Variants in ITFG1 observed in about 807,000 individuals in gnomAD.
The protein encoded by ITFG1 is T-cell immunomodulatory protein.
ITFG1 carries 34 observed loss-of-function variants against 81.8 expected under a neutral mutation model. The observed-to-expected ratio is 0.42, with a 90% confidence interval of 0.32 to 0.55. The LOEUF is 0.55. Ranked by LOEUF, ITFG1 falls within the 20% of genes least tolerant of loss-of-function variation. The probability of loss-of-function intolerance (pLI) is 0.17; values close to 1 mark genes in which losing one functional copy is unlikely to be tolerated. For synonymous variants in ITFG1, 285 were observed against 270.6 expected (o/e 1.05, Z -0.52); for missense variants, 672 against 755.4 (o/e 0.89, Z 1.29).
At chr16:47,163,948 C>CAT (rs1485712156) in intron 14 of ITFG1, among the ~76,000 whole-genome samples, 6 of 148,690 alleles carry the variant, frequency 4.0e-5, no homozygotes, top group African/African-American at 7.6e-5. Flanking sequence ...CACACACACA[C>CAT]ACACATACAC....
chr16:47,185,474 A>G (rs1965199000), intron 14 of ITFG1, among the ~76,000 whole-genome samples: 1 of 152,264 alleles, frequency 6.6e-6, no homozygotes, highest in Non-Finnish European at 1.5e-5. Context: ...AAACCGCTCA[A>G]CTACATGGAA....
At chr16:47,165,028 A>G (rs1307958164) in intron 14 of ITFG1, among the ~76,000 whole-genome samples, 2 of 152,238 alleles carry the variant, frequency 1.3e-5, no homozygotes, top group Admixed American at 1.3e-4. Context: ...AATGGTGGAT[A>G]TTATATGGTT....
chr16:47,350,798 C>T (rs556744983), intron 8 of ITFG1, among the ~76,000 whole-genome samples: 53 of 152,182 alleles, frequency 3.5e-4, no homozygotes, highest in African/African-American at 1.2e-3. Flanking sequence ...TGATGAGCAT[C>T]GATGCAAAAA....
intron 14 of ITFG1, among the ~76,000 whole-genome samples, chr16:47,186,395 C>CA (rs1965216931): frequency 6.6e-6 from 1 of 152,114 alleles, no homozygotes; most frequent in African/African-American, 2.4e-5. Flanking sequence ...AGCAACACAT[C>CA]AAAAAGCTTA....
At chr16:47,353,627 A>G (rs1450278086) in intron 8 of ITFG1, among the ~76,000 whole-genome samples, 1 of 152,144 alleles carries the variant, frequency 6.6e-6, no homozygotes, top group Non-Finnish European at 1.5e-5. Context: ...TGCAGATGAC[A>G]TTATCTTATA....
chr16:47,246,032 T>C (rs1263213341), intron 12 of ITFG1, among the ~76,000 whole-genome samples: 1 of 152,240 alleles, frequency 6.6e-6, no homozygotes, highest in East Asian at 1.9e-4. Flanking sequence ...TTATTTTCTG[T>C]ATAAGATAAA....
intron 13 of ITFG1, among the ~76,000 whole-genome samples, chr16:47,230,047 G>A (rs1385470575): frequency 6.6e-6 from 1 of 152,134 alleles, no homozygotes; most frequent in African/African-American, 2.4e-5. Context: ...TCATAGGTAC[G>A]TACGTGTAGG....
At chr16:47,216,076 T>C (rs753225786) in intron 14 of ITFG1, among the ~76,000 whole-genome samples, 1 of 152,102 alleles carries the variant, frequency 6.6e-6, no homozygotes, top group Non-Finnish European at 1.5e-5. Context: ...AAGTAAATAT[T>C]GTTCCATTCG....
At chr16:47,197,485 T>TTTATATGTTATATGTAAATAC (rs554324726) in intron 14 of ITFG1, among the ~76,000 whole-genome samples, 131 of 152,338 alleles carry the variant, frequency 8.6e-4, no homozygotes, top group African/African-American at 2.9e-3. Context: ...ATCTTACATG[T>TTTATATGTTATATGTAAATAC]ATTGCTTTAT....
At chr16:47,441,635 C>T (rs968681909) in intron 5 of ITFG1, among the ~76,000 whole-genome samples, 2 of 152,196 alleles carry the variant, frequency 1.3e-5, no homozygotes, top group African/African-American at 2.4e-5. Context: ...AACAACCCTT[C>T]ATGCTAAAAA....
intron 7 of ITFG1, among the ~76,000 whole-genome samples, chr16:47,370,448 C>T (rs2151588800): frequency 6.6e-6 from 1 of 152,330 alleles, no homozygotes; most frequent in East Asian, 1.9e-4. Flanking sequence ...ACTTCAGGTC[C>T]CCTGTCCACT....
intron 13 of ITFG1, among the ~76,000 whole-genome samples, chr16:47,230,108 T>C (rs1238578019): frequency 2.6e-5 from 4 of 152,132 alleles, no homozygotes; most frequent in Non-Finnish European, 4.4e-5. Context: ...AGGCATCCAC[T>C]GGGGATCTTG....
At chr16:47,434,170 T>C (rs1045181652) in intron 5 of ITFG1, among the ~76,000 whole-genome samples, 1 of 151,218 alleles carries the variant, frequency 6.6e-6, no homozygotes, top group Non-Finnish European at 1.5e-5. Flanking sequence ...ATGATGAAAA[T>C]GCCAACAGCA....
At chr16:47,441,412 T>C (rs1308649057) in intron 5 of ITFG1, among the ~76,000 whole-genome samples, 3 of 152,208 alleles carry the variant, frequency 2.0e-5, no homozygotes, top group South Asian at 2.1e-4. Flanking sequence ...TTGATGAACA[T>C]TGATGCACAA....
chr16:47,247,261 G>A (rs1966012166), intron 12 of ITFG1, among the ~76,000 whole-genome samples: 1 of 152,058 alleles, frequency 6.6e-6, no homozygotes, highest in Non-Finnish European at 1.5e-5. Flanking sequence ...ATATATTAAA[G>A]GGACAGACTC....
chr16:47,390,609 G>A (rs1436811358), intron 6 of ITFG1, among the ~76,000 whole-genome samples: 7 of 151,960 alleles, frequency 4.6e-5, no homozygotes, highest in East Asian at 1.9e-4. Context: ...CAGGGCACCC[G>A]CCACCACGCC....
chr16:47,460,929 G>T lies in ITFG1; in HGVS notation c.117C>A (p.Ala39=), dbSNP rs758318640. 10 of 1,612,518 alleles carry T rather than the reference G, an allele frequency of 6.2e-6. No individual in the cohort carries two copies. In the Admixed American group the frequency reaches 1.7e-4, roughly 27 times the overall value. The change falls in exon 1 of 18, where the codon GCC becomes GCA. Residue 39 remains alanine (A), a synonymous_variant. Coordinates refer to ENST00000320640, the MANE Select transcript of ITFG1 (RefSeq NM_030790.5). ...VPARALHNVT[A]ELFGAEAWGT... Reference sequence around the variant, plus strand: ...CCCAGGCCTCGGCCCCAAAGAGCTCGGCCGTGACGTTGTGCAGCGCCCGCG... The same window carrying T: ...CCCAGGCCTCGGCCCCAAAGAGCTCTGCCGTGACGTTGTGCAGCGCCCGCG...
At chr16:47,374,256 GTTAC>G (rs1968295791) in intron 7 of ITFG1, among the ~76,000 whole-genome samples, 1 of 152,106 alleles carries the variant, frequency 6.6e-6, no homozygotes, top group Non-Finnish European at 1.5e-5. Flanking sequence ...TTCTTTAAAA[GTTAC>G]TTACTGATCC....
At chr16:47,429,382 T>C (rs1257019268) in intron 5 of ITFG1, among the ~76,000 whole-genome samples, 1 of 152,256 alleles carries the variant, frequency 6.6e-6, no homozygotes, top group Non-Finnish European at 1.5e-5. Flanking sequence ...TTCCACTTTT[T>C]GGCTGCTACA....
Sources: allele counts gnomAD v4.1 joint callset (sites outside exome capture counted in the v4.1 genomes callset), GRCh38; gene constraint gnomAD v4.1.1; transcripts MANE v1.5; gene names NCBI Gene and HGNC (gene_info 2026-07-23, HGNC 2026-07-21).